Variants in PEAK1 observed in about 807,000 individuals in gnomAD.
PEAK1 encodes inactive tyrosine-protein kinase PEAK1.
PEAK1 carries 54 observed loss-of-function variants against 124.7 expected under a neutral mutation model. The ratio of observed to expected loss-of-function variants is 0.43; its 90% CI spans 0.35 to 0.54. The LOEUF (loss-of-function observed/expected upper bound fraction) is 0.54. PEAK1 is among the 20% of genes least tolerant of loss of function. PEAK1 has a pLI of 0.01. For missense variants in PEAK1, 2,046 were observed against 2,134.5 expected (o/e 0.96, Z 0.82); for synonymous variants, 719 against 760.0 (o/e 0.95, Z 0.89).
Position 77,412,270 on chromosome 15 carries a change from T to C in PEAK1, c.-666+7736A>G, listed in dbSNP as rs774912393. On this transcript the variant is annotated intron_variant, in intron 1 of 9. Transcript: ENST00000682557. The stretch of plus-strand genomic sequence containing the variant: ...TTCTTCTCTGAACTCTAGATTCCCA[T>C]GTTCAACTGCTGACTTAATATCTCT... 2.6e-5 allele frequency among the ~76,000 whole-genome samples: 4 copies of C among 152,218 alleles called. No individual in the cohort carries two copies. The East Asian group carries it at 5.8e-4, about 22-fold the overall frequency.
chr15:77,335,004 C>G (rs1207834001), intron 2 of PEAK1: 1 of 985,268 alleles, frequency 1.0e-6, no homozygotes, highest in African/African-American at 1.7e-5. Context: ...GGGTTTGAGG[C>G]AGGAGGGTTG....
intron 6 of PEAK1, among the ~76,000 whole-genome samples, chr15:77,229,112 G>T (rs2059798607): frequency 6.6e-6 from 1 of 152,092 alleles, no homozygotes; most frequent in Non-Finnish European, 1.5e-5. Flanking sequence ...CCAAGAGACT[G>T]TGGAGTACTC....
chr15:77,369,641 G>A (rs2068508690), intron 1 of PEAK1, among the ~76,000 whole-genome samples: 1 of 151,636 alleles, frequency 6.6e-6, no homozygotes. Flanking sequence ...AAGTTTAAAG[G>A]GGATCTTTAC....
chr15:77,313,871 C>T (rs938618996), intron 2 of PEAK1, among the ~76,000 whole-genome samples: 1 of 151,310 alleles, frequency 6.6e-6, no homozygotes, highest in Non-Finnish European at 1.5e-5. Context: ...TGTGAGCCAC[C>T]GTGCCCGGCC....
rs552486702 is a variant in PEAK1 at position 77,336,403 on chromosome 15, G to A, written c.-603+28760C>T. 1.1e-4 allele frequency: 108 copies of A among 985,376 alleles called. No homozygotes were observed. In the South Asian group the frequency reaches 4.2e-3, roughly 39 times the overall value. 61.0% of individuals were successfully genotyped at this position (985,376 alleles called of 1,614,324 possible). On this transcript the variant is annotated intron_variant, in intron 2 of 9. Coordinates refer to ENST00000682557, the MANE Select transcript of PEAK1 (RefSeq NM_001385026.1). ...GAACCAAGGCAGCTTTTCCACTCAG[G>A]AGTCCCTTCTGAGTGAGGGGTTAAT...
At chr15:77,361,644 A>C (rs1381705280) in intron 2 of PEAK1, among the ~76,000 whole-genome samples, 1 of 152,220 alleles carries the variant, frequency 6.6e-6, no homozygotes, top group East Asian at 1.9e-4. Context: ...AAACTAGTAC[A>C]ACCACTATGG....
At chr15:77,334,920 G>T in intron 2 of PEAK1, 2 of 985,310 alleles carry the variant, frequency 2.0e-6, no homozygotes, top group Non-Finnish European at 2.4e-6. Flanking sequence ...AGCTTCCCCA[G>T]GTTTAATGAC....
At chr15:77,118,072 T>TC (rs994006058) in intron 9 of PEAK1, among the ~76,000 whole-genome samples, 3 of 152,232 alleles carry the variant, frequency 2.0e-5, no homozygotes, top group African/African-American at 7.2e-5. Context: ...GAAAATGGTC[T>TC]CCCTAGATAG....
rs377341765 is a variant in PEAK1, at chr15:77,396,857, A to C, written c.-666+23149T>G. On this transcript the variant is annotated intron_variant, in intron 1 of 9. Transcript: ENST00000682557. ...GAGTTAAAGAGAGATCTAGATCCCA[A>C]GATGATAATAGTTGGAAACTTCAGC... Among the ~76,000 whole-genome samples, 78 of 152,332 alleles carry C rather than the reference A, an allele frequency of 5.1e-4. 2 individuals are homozygous for C. In the South Asian group the frequency reaches 0.016, roughly 31 times the overall value.
chr15:77,179,082 T>G lies in PEAK1; in HGVS notation c.2845A>C (p.Lys949Gln). 6.2e-7 allele frequency: 1 copy of G among 1,614,180 alleles called. No homozygotes were observed. The highest frequency in any genetic ancestry group is 8.5e-7 in the Non-Finnish European group (1 of 1,180,030). Reference protein sequence around the residue: ...EEDDKEKEREKGKLVGLDGTV... With the variant: ...EEDDKEKEREQGKLVGLDGTV... Reference sequence around the variant, plus strand: ...CCATCCAGGCCCACCAGTTTCCCTTTCTCTCGCTCTTTCTCTTTGTCATCC... The same window carrying G: ...CCATCCAGGCCCACCAGTTTCCCTTGCTCTCGCTCTTTCTCTTTGTCATCC... The change falls in exon 7 of 10, where the codon AAA becomes CAA. Residue 949 changes from lysine to glutamine, a missense_variant. Physicochemically the swap from Lys to Gln is moderately conservative, Grantham distance 53. Coordinates refer to ENST00000682557, the MANE Select transcript of PEAK1 (RefSeq NM_001385026.1).
intron 6 of PEAK1, among the ~76,000 whole-genome samples, chr15:77,221,297 C>T (rs1171697101): frequency 3.3e-5 from 5 of 151,994 alleles, no homozygotes; most frequent in Admixed American, 2.0e-4. Context: ...AAATGATTGC[C>T]CTGTTGTAGA....
Position 77,114,057 on chromosome 15 carries a change from T to G in PEAK1, c.*99A>C. 1 of 1,353,510 alleles carries G rather than the reference T, an allele frequency of 7.4e-7. No individual in the cohort carries two copies. The highest frequency in any genetic ancestry group is 1.0e-6 in the Non-Finnish European group (1 of 970,160). 83.8% of individuals were successfully genotyped at this position (1,353,510 alleles called of 1,614,324 possible). A position where few individuals can be genotyped will look rare whatever the true frequency, so the allele number is the denominator to read the frequency against. On this transcript the variant is annotated 3_prime_UTR_variant, in exon 10 of 10. Coordinates refer to ENST00000682557, the MANE Select transcript of PEAK1 (RefSeq NM_001385026.1). ...CACGGACAGGGATAGAGGTTTGCCT[T>G]TCTTCTTTCCTTGAATTTGGAGTGA...
chr15:77,419,502 C>T, intron 1 of PEAK1: 1 of 985,306 alleles, frequency 1.0e-6, no homozygotes, highest in Non-Finnish European at 1.2e-6. Flanking sequence ...GGGAGCCACC[C>T]GGCTCCGTCC....
intron 2 of PEAK1, among the ~76,000 whole-genome samples, chr15:77,358,527 T>A (rs971916702): frequency 1.3e-5 from 2 of 152,240 alleles, no homozygotes; most frequent in Non-Finnish European, 2.9e-5. Flanking sequence ...TAATGAACAC[T>A]GCCACCCTTT....
intron 2 of PEAK1, among the ~76,000 whole-genome samples, chr15:77,355,014 G>GGGC (rs1200061700): frequency 3.3e-5 from 5 of 152,016 alleles, no homozygotes; most frequent in South Asian, 2.1e-4. Flanking sequence ...ACTCCAGCCT[G>GGGC]GGCGACAGAG....
At chr15:77,269,487 G>A (rs897513231) in intron 5 of PEAK1, among the ~76,000 whole-genome samples, 2 of 152,066 alleles carry the variant, frequency 1.3e-5, no homozygotes, top group South Asian at 2.1e-4. Flanking sequence ...ACATACATAT[G>A]CACCTAACAC....
chr15:77,215,558 T>A (rs1170303264), intron 6 of PEAK1, among the ~76,000 whole-genome samples: 4 of 152,186 alleles, frequency 2.6e-5, no homozygotes, highest in Non-Finnish European at 5.9e-5. Context: ...TACACTGCAC[T>A]GTTCAGGGAA....
upstream of PEAK1, chr15:77,420,542 C>G (rs1467795463): frequency 1.8e-5 from 4 of 224,496 alleles, no homozygotes; most frequent in South Asian, 1.8e-4. Flanking sequence ...CAGCCGTCAT[C>G]GAATACAGAA....
At chr15:77,152,739 G>A (rs2054763513) in intron 8 of PEAK1, among the ~76,000 whole-genome samples, 1 of 152,160 alleles carries the variant, frequency 6.6e-6, no homozygotes, top group Non-Finnish European at 1.5e-5. Context: ...TGTATCTATT[G>A]AGATAATCAT....
Sources: allele counts gnomAD v4.1 joint callset (sites outside exome capture counted in the v4.1 genomes callset), GRCh38; gene constraint gnomAD v4.1.1; transcripts MANE v1.5; gene names NCBI Gene and HGNC (gene_info 2026-07-23, HGNC 2026-07-21).